Variants in MAP2K4 observed in about 807,000 individuals in gnomAD.
The protein encoded by MAP2K4 is dual specificity mitogen-activated protein kinase kinase 4.
In MAP2K4, 4 loss-of-function variants were observed where a neutral mutation model predicts 48.5. The ratio of observed to expected loss-of-function variants is 0.08; its 90% CI spans 0.04 to 0.19. The LOEUF (loss-of-function observed/expected upper bound fraction) is 0.19, where lower values mean the gene tolerates loss of function less well. Among genes scored for constraint, MAP2K4 ranks in the 10% least tolerant of loss-of-function variants. The pLI is 1.00. For synonymous variants in MAP2K4, 166 were observed against 173.1 expected (o/e 0.96, Z 0.32); for missense variants, 258 against 493.3 (o/e 0.52, Z 4.52).
At chr17:12,085,374 A>G (rs976850830) in intron 3 of MAP2K4, among the ~76,000 whole-genome samples, 3 of 151,798 alleles carry the variant, frequency 2.0e-5, no homozygotes, top group Non-Finnish European at 4.4e-5. Flanking sequence ...TAAATTTGTC[A>G]TTGTGGATCA....
At chr17:12,115,395 G>A (rs1972457639) in intron 7 of MAP2K4, among the ~76,000 whole-genome samples, 2 of 152,142 alleles carry the variant, frequency 1.3e-5, no homozygotes, top group Admixed American at 6.6e-5. Context: ...GGTACAGCCT[G>A]TTGCTTCTAG....
intron 9 of MAP2K4, among the ~76,000 whole-genome samples, chr17:12,139,080 G>A (rs542938451): frequency 1.3e-5 from 2 of 152,260 alleles, no homozygotes; most frequent in South Asian, 4.1e-4. Context: ...ATGGAAAACA[G>A]CAATGAGTTT....
intron 3 of MAP2K4, 112 bp from the exon 4 acceptor site, chr17:12,095,463 T>C: frequency 9.2e-7 from 1 of 1,089,330 alleles, no homozygotes. Flanking sequence ...ATTTGTGAAG[T>C]TTGGTAATTT....
At chr17:12,116,429 T>C (rs1350215874) in intron 7 of MAP2K4, among the ~76,000 whole-genome samples, 1 of 152,096 alleles carries the variant, frequency 6.6e-6, no homozygotes, top group Non-Finnish European at 1.5e-5. Context: ...TAAAAATTTT[T>C]TTCTTCAGTA....
intron 5 of MAP2K4, among the ~76,000 whole-genome samples, chr17:12,108,641 G>A (rs1972206186): frequency 1.3e-5 from 2 of 151,886 alleles, no homozygotes; most frequent in African/African-American, 4.8e-5. Context: ...GAGAATCTGA[G>A]CTAATGGCAT....
At chr17:12,093,272 G>T (rs1271124460) in intron 3 of MAP2K4, among the ~76,000 whole-genome samples, 1 of 152,180 alleles carries the variant, frequency 6.6e-6, no homozygotes, top group Non-Finnish European at 1.5e-5. Context: ...TGCCAGTGCT[G>T]ATGATCTCAA....
chr17:12,083,013 G>C (rs1377075829), intron 3 of MAP2K4, among the ~76,000 whole-genome samples: 2 of 152,126 alleles, frequency 1.3e-5, no homozygotes, highest in Admixed American at 6.5e-5. Flanking sequence ...AGTTTTAGTT[G>C]GCTGGATCTT....
At chr17:12,037,556 A>G (rs956326004) in intron 1 of MAP2K4, among the ~76,000 whole-genome samples, 1 of 152,148 alleles carries the variant, frequency 6.6e-6, no homozygotes. Context: ...ATTAAATTCA[A>G]CTGAGTTTGT....
chr17:12,107,382 CTTTTTTTTTTT>C (rs71367383), intron 4 of MAP2K4, among the ~76,000 whole-genome samples: 6 of 106,408 alleles, frequency 5.6e-5, no homozygotes, highest in African/African-American at 2.1e-4. Context: ...TGTCTTTTTC[CTTTTTTTTTTT>C]TTTTTTTTGG....
At chr17:12,124,355 T>C (rs891077034) in intron 7 of MAP2K4, 5 of 152,230 alleles carry the variant, frequency 3.3e-5, no homozygotes, top group Admixed American at 2.0e-4. Context: ...AAAGATGTTC[T>C]TTCACAGAAA....
intron 4 of MAP2K4, among the ~76,000 whole-genome samples, chr17:12,099,481 T>C (rs1417967835): frequency 6.6e-6 from 1 of 152,176 alleles, no homozygotes. Context: ...ATATTGAGCT[T>C]CTGAAAGTTC....
At chr17:12,074,000 C>A (rs1405560081) in intron 2 of MAP2K4, among the ~76,000 whole-genome samples, 1 of 152,088 alleles carries the variant, frequency 6.6e-6, no homozygotes, top group Non-Finnish European at 1.5e-5. Context: ...GCTCAAACTC[C>A]CGACCTCGTG....
chr17:12,081,982 CA>C lies in MAP2K4; in HGVS notation c.393+454del, dbSNP rs1368421169. The C allele has an allele frequency of 1.9e-6, 1 of 531,722 alleles. No homozygotes were observed. Among genetic ancestry groups the C allele is most frequent in the East Asian group, 5.4e-5 (1 of 18,360 alleles). 32.9% of individuals were successfully genotyped at this position (531,722 alleles called of 1,614,324 possible). On this transcript the variant is annotated intron_variant, in intron 3 of 10. Transcript: ENST00000353533. The surrounding 1 kb of genome is among the most constrained non-coding windows in gnomAD (Gnocchi z 4.2). ...ACGCACATGCTGTTGCCACTAACCTCAACCTTACTCGGTCCTGACCGGCTCG... is the reference window on the plus strand; with the variant it reads ...ACGCACATGCTGTTGCCACTAACCTCACCTTACTCGGTCCTGACCGGCTCG...
intron 2 of MAP2K4, among the ~76,000 whole-genome samples, chr17:12,064,728 A>G (rs1970558661): frequency 6.6e-6 from 1 of 152,240 alleles, no homozygotes. Flanking sequence ...TTTGCCTAAG[A>G]TGAAAATACT....
chr17:12,129,067 T>C (rs1484020708), intron 8 of MAP2K4, 72 bp from the exon 9 acceptor site: 25 of 1,483,262 alleles, frequency 1.7e-5, no homozygotes, highest in Non-Finnish European at 1.9e-5. Context: ...TTAGATTTTT[T>C]TGTGGCCCTT....
intron 3 of MAP2K4, among the ~76,000 whole-genome samples, chr17:12,086,730 G>A (rs1971376577): frequency 6.6e-6 from 1 of 152,088 alleles, no homozygotes; most frequent in South Asian, 2.1e-4. Flanking sequence ...CTAAAGATCT[G>A]GTTTCTGAAA....
chr17:12,063,118 C>T (rs1034626842), intron 2 of MAP2K4, among the ~76,000 whole-genome samples: 1 of 152,072 alleles, frequency 6.6e-6, no homozygotes, highest in Non-Finnish European at 1.5e-5. Context: ...TGTAATGTGA[C>T]ATTTTGATTC....
At chr17:12,055,895 CAATT>C in intron 2 of MAP2K4, among the ~76,000 whole-genome samples, 1 of 152,120 alleles carries the variant, frequency 6.6e-6, no homozygotes, top group African/African-American at 2.4e-5. Flanking sequence ...AGTGTAGTAA[CAATT>C]TATTTTTCTC....
chr17:12,119,174 G>A (rs1972595420), intron 7 of MAP2K4, among the ~76,000 whole-genome samples: 4 of 152,144 alleles, frequency 2.6e-5, no homozygotes, highest in African/African-American at 9.7e-5. Flanking sequence ...TGCACATTCT[G>A]CATATCAAAA....
Sources: gnomAD v4.1 joint callset for allele counts (sites outside exome capture counted in the v4.1 genomes callset) on GRCh38, gnomAD v4.1.1 for gene constraint, Gnocchi (gnomAD v3.1) non-coding constraint, MANE v1.5 for transcripts, NCBI Gene and HGNC (gene_info 2026-07-23, HGNC 2026-07-21) for gene names.